The following SMOC1 variants were observed in gnomAD, a reference collection of about 807,000 sequenced individuals.
SMOC1 encodes the protein SPARC related modular calcium binding 1, also known as SPARC-related modular calcium-binding protein 1.
SMOC1 carries 22 observed loss-of-function variants against 56.3 expected under a neutral mutation model. The observed-to-expected ratio is 0.39, with a 90% CI of 0.28 to 0.56. The LOEUF is 0.56. Among genes scored for constraint, SMOC1 ranks in the 20% least tolerant of loss-of-function variants. SMOC1 has a pLI of 0.61. For synonymous variants in SMOC1, 193 were observed against 215.0 expected (o/e 0.90, Z 0.89); for missense variants, 509 against 565.4 (o/e 0.90, Z 1.01).
chr14:69,989,820 C>T (rs1884498080), intron 5 of SMOC1, among the ~76,000 whole-genome samples: 1 of 152,148 alleles, frequency 6.6e-6, no homozygotes, highest in African/African-American at 2.4e-5. Flanking sequence ...AGGCCTTGGA[C>T]TTGTGTTTGG....
chr14:69,900,840 A>G (rs1162122820), intron 1 of SMOC1, among the ~76,000 whole-genome samples: 1 of 152,234 alleles, frequency 6.6e-6, no homozygotes, highest in Non-Finnish European at 1.5e-5. Context: ...GATTAAACTC[A>G]TGGCCACATG....
At chr14:70,028,678 C>A (rs926672928) in intron 11 of SMOC1, among the ~76,000 whole-genome samples, 1 of 152,140 alleles carries the variant, frequency 6.6e-6, no homozygotes, top group Non-Finnish European at 1.5e-5. Context: ...TTCTACTCAG[C>A]AAGGAGAGAA....
intron 3 of SMOC1, 100 bp from the exon 4 acceptor site, chr14:69,975,613 GCT>G: frequency 1.2e-6 from 1 of 859,664 alleles, no homozygotes; most frequent in Non-Finnish European, 2.0e-6. Context: ...GGTGGAAGAT[GCT>G]CTTTCACCGT....
chr14:69,957,532 A>G (rs1883231015), intron 3 of SMOC1, among the ~76,000 whole-genome samples: 1 of 152,234 alleles, frequency 6.6e-6, no homozygotes, highest in South Asian at 2.1e-4. Flanking sequence ...TTTGGGCTAC[A>G]GAAGTGGCCT....
rs1487331440 is a variant in SMOC1 at position 70,023,551 on chromosome 14, A to G, written c.1291+104A>G. The G allele has an allele frequency of 5.4e-6, 8 of 1,493,630 alleles. No individual in the cohort carries two copies. The East Asian group carries it at 1.1e-4, about 21-fold the overall frequency. The allele number at this position is 1,493,630 out of a possible 1,614,324, so 92.5% of individuals were successfully genotyped here. ...TGAGATTCCAGATACTCATCTATTC[A>G]TCAATTATTTGCTGGAAGTGTGCTA... On this transcript the variant is annotated intron_variant, in intron 11 of 11. Transcript: ENST00000361956.
At chr14:69,930,512 G>A (rs1885139440) in intron 1 of SMOC1, among the ~76,000 whole-genome samples, 1 of 152,196 alleles carries the variant, frequency 6.6e-6, no homozygotes, top group Admixed American at 6.5e-5. Context: ...CTGACTGGGT[G>A]CAGAGGAACA....
At chr14:69,999,679 C>T (rs758801971) in intron 7 of SMOC1, among the ~76,000 whole-genome samples, 19 of 152,178 alleles carry the variant, frequency 1.2e-4, no homozygotes, top group Non-Finnish European at 2.2e-4. Context: ...GATGGGTGGT[C>T]ATCCCTATGG....
At chr14:69,975,109 C>T (rs1320913165) in intron 3 of SMOC1, among the ~76,000 whole-genome samples, 3 of 152,008 alleles carry the variant, frequency 2.0e-5, no homozygotes, top group Non-Finnish European at 2.9e-5. Flanking sequence ...TTTGGGAGGC[C>T]GAGGCAGGTG....
chr14:70,029,620 C>A (rs907701887), intron 11 of SMOC1, among the ~76,000 whole-genome samples: 1 of 152,204 alleles, frequency 6.6e-6, no homozygotes, highest in African/African-American at 2.4e-5. Flanking sequence ...GAAGAAGGTG[C>A]CAGTTCTCTG....
rs1005772252 is a variant in SMOC1 at position 69,895,274 on chromosome 14, T to G, written c.99+15497T>G. Among the ~76,000 whole-genome samples, 11 of 152,376 alleles carry G rather than the reference T, an allele frequency of 7.2e-5. No homozygotes were observed. The East Asian group carries it at 1.7e-3, about 24-fold the overall frequency. ...CATTTCCTGAAAAGGGGTGAGTTTC[T>G]GGTTTCCGCCAGTGTCGAAGGTTTC... On this transcript the variant is annotated intron_variant, in intron 1 of 11. Coordinates refer to ENST00000361956, the MANE Select transcript of SMOC1 (RefSeq NM_001034852.3).
chr14:69,990,495 G>C (rs901668859), intron 5 of SMOC1, among the ~76,000 whole-genome samples: 2 of 152,176 alleles, frequency 1.3e-5, no homozygotes, highest in Non-Finnish European at 2.9e-5. Context: ...CACTGTGCTG[G>C]ACTATTTAGA....
chr14:70,003,177 C>T (rs993138153), intron 7 of SMOC1, among the ~76,000 whole-genome samples: 19 of 152,272 alleles, frequency 1.2e-4, no homozygotes, highest in Non-Finnish European at 2.1e-4. Flanking sequence ...GCATTTCATT[C>T]ATTTTTGATA....
At chr14:69,985,533 A>G (rs1884334730) in intron 5 of SMOC1, among the ~76,000 whole-genome samples, 1 of 152,232 alleles carries the variant, frequency 6.6e-6, no homozygotes. Context: ...AAACTGTGGC[A>G]CAGTAGTACT....
intron 7 of SMOC1, among the ~76,000 whole-genome samples, chr14:70,006,509 A>G (rs1055455973): frequency 3.9e-5 from 6 of 152,242 alleles, no homozygotes; most frequent in Non-Finnish European, 8.8e-5. Context: ...TGATTGGTTG[A>G]CTGAAGGGCT....
chr14:69,968,733 T>C (rs28609860), intron 3 of SMOC1, among the ~76,000 whole-genome samples: 10,020 of 152,308 alleles, frequency 0.066, 394 homozygotes, highest in Middle Eastern at 0.15. Flanking sequence ...ACTCACATTC[T>C]TTTTACTTGT....
chr14:69,941,680 A>G (rs1882571405), intron 1 of SMOC1, among the ~76,000 whole-genome samples: 1 of 152,202 alleles, frequency 6.6e-6, no homozygotes, highest in Admixed American at 6.5e-5. Context: ...GGGAATTTTT[A>G]GGATCCTCTA....
chr14:69,963,739 A>G lies in SMOC1; in HGVS notation c.378+10207A>G, dbSNP rs112603918. 7.6e-3 allele frequency among the ~76,000 whole-genome samples: 1,153 copies of G among 152,322 alleles called. 14 individuals are homozygous for G. The highest frequency in any genetic ancestry group is 0.027 in the African/African-American group (1,122 of 41,566). ...TCAAGGTGGCATATCATTTGCAGTG[A>G]GTGAACAATCTCAGTTATGCAGTTA... On this transcript the variant is annotated intron_variant, in intron 3 of 11. Coordinates refer to ENST00000361956, the MANE Select transcript of SMOC1 (RefSeq NM_001034852.3).
In SMOC1 at chr14:70,010,925, C is replaced by T. The variant is rs770013921; in HGVS notation, c.836C>T (p.Pro279Leu). 2.7e-5 allele frequency: 44 copies of T among 1,612,666 alleles called. No homozygotes were observed. The highest frequency in any genetic ancestry group is 4.0e-5 in the African/African-American group (3 of 74,888). Residue 279 changes from proline (P) to leucine (L), a missense_variant, in exon 8 of 12, where the codon CCG becomes CTG. By Grantham distance (98) the Pro-to-Leu change is moderately conservative. Around this residue, in one of 3 missense-constraint regions of SMOC1, gnomAD observed 18 missense variants for 44.2 expected, o/e 0.41. Transcript: ENST00000361956. ...CWCVLVDTGR[P>L]LPGTSTRYVM... ...TGTGTGCTGGTGGACACAGGGCGCCCGCTGCCTGGGACCTCCACACGGTAA... is the reference window on the plus strand; with the variant it reads ...TGTGTGCTGGTGGACACAGGGCGCCTGCTGCCTGGGACCTCCACACGGTAA...
intron 11 of SMOC1, among the ~76,000 whole-genome samples, chr14:70,025,389 C>A (rs78416959): frequency 0.021 from 3,257 of 152,252 alleles, 54 homozygotes; most frequent in Middle Eastern, 0.085. Context: ...CACTTCCCAC[C>A]GCCCGCCCCG....
Sources: allele counts gnomAD v4.1 joint callset (sites outside exome capture counted in the v4.1 genomes callset), GRCh38; gene constraint gnomAD v4.1.1; regional missense constraint gnomAD v4.1.1; transcripts MANE v1.5; gene names NCBI Gene and HGNC (gene_info 2026-07-23, HGNC 2026-07-21).